BAZ1A: variants seen among roughly 807,000 people sequenced by gnomAD.
BAZ1A encodes the protein bromodomain adjacent to zinc finger domain protein 1A.
In BAZ1A, 50 loss-of-function variants were observed where a neutral mutation model predicts 185.2. The ratio of observed to expected loss-of-function variants is 0.27; its 90% CI spans 0.22 to 0.34. BAZ1A has a LOEUF of 0.34. Among genes scored for constraint, BAZ1A ranks in the 10% least tolerant of loss-of-function variants. BAZ1A has a pLI of 1.00. For missense variants in BAZ1A, 1,356 were observed against 1,839.9 expected, an observed-to-expected ratio of 0.74 and a Z score of 4.81; for synonymous variants, 571 against 615.6, an observed-to-expected ratio of 0.93 and a Z score of 1.07.
intron 4 of BAZ1A, among the ~76,000 whole-genome samples, chr14:34,814,802 T>A (rs1255936800): frequency 6.7e-6 from 1 of 148,300 alleles, no homozygotes; most frequent in Non-Finnish European, 1.5e-5. Context: ...TGAGACAGTT[T>A]TGCTCTTGTT....
In BAZ1A at chr14:34,762,200, T is replaced by G; in HGVS notation, c.3800A>C (p.Gln1267Pro). 6.2e-7 allele frequency: 1 copy of G among 1,614,122 alleles called. No individual in the cohort carries two copies. The highest frequency in any genetic ancestry group is 8.5e-7 in the Non-Finnish European group (1 of 1,179,990). The change falls in exon 24 of 27, where the codon CAA (glutamine) becomes CCA (proline). Residue 1267 changes from glutamine (Q) to proline (P), a missense_variant. Coordinates refer to ENST00000360310, the MANE Select transcript of BAZ1A (RefSeq NM_013448.3). ...TCTTGTTTTAACTGGCAATCTAACT[T>G]GTGGTCTTCCTCGTTTGGGTAGGCT... Reference protein sequence around the residue: ...EVSLPKRGRPQVRLPVKTRGK... With the variant: ...EVSLPKRGRPPVRLPVKTRGK...
intron 17 of BAZ1A, 147 bp downstream of exon 17, chr14:34,780,039 G>C: frequency 1.0e-6 from 1 of 982,524 alleles, no homozygotes; most frequent in Non-Finnish European, 1.5e-6. Flanking sequence ...ACTCATCACA[G>C]CTATGAGGTG....
intron 4 of BAZ1A, among the ~76,000 whole-genome samples, chr14:34,823,277 C>A (rs2042114264): frequency 6.6e-6 from 1 of 151,976 alleles, no homozygotes; most frequent in Admixed American, 6.6e-5. Context: ...TCACTTGAAT[C>A]CAGGAAGTAG....
At position 34,774,457 on chromosome 14, in the gene BAZ1A, C is replaced by T. The variant is rs1242287262; in HGVS notation, c.2867G>A (p.Ser956Asn). ...ATATGCATTGGAAGATCTTCCCCGACTATATGTTGGTTTGCTATCAGGCTG... is the reference window on the plus strand; with the variant it reads ...ATATGCATTGGAAGATCTTCCCCGATTATATGTTGGTTTGCTATCAGGCTG... ...KPQPDSKPTY[S>N]RGRSSNAYDP... Residue 956 changes from serine to asparagine, a missense_variant, in exon 19 of 27, where the codon AGT becomes AAT. By Grantham distance (46) the Ser-to-Asn change is conservative. Transcript: ENST00000360310. The T allele has an allele frequency of 6.2e-7, 1 of 1,608,474 alleles. No individual in the cohort carries two copies. The highest frequency in any genetic ancestry group is 8.5e-7 in the Non-Finnish European group (1 of 1,177,828).
chr14:34,773,851 G>A lies in BAZ1A; in HGVS notation c.2998-125C>T, dbSNP rs566799698. The A allele has an allele frequency of 8.6e-6, 9 of 1,051,508 alleles. No homozygotes were observed. In the East Asian group the frequency reaches 1.9e-4, roughly 22 times the overall value. 65.1% of individuals were successfully genotyped at this position (1,051,508 alleles called of 1,614,324 possible). A position where few individuals can be genotyped will look rare whatever the true frequency, so the allele number is the denominator to read the frequency against. ...TTAGAAATGATTATGAATCAAAAAG[G>A]TATCTAAAAATAAGGTTACTAAGTG... On this transcript the variant is annotated intron_variant, in intron 19 of 26. Coordinates refer to ENST00000360310, the MANE Select transcript of BAZ1A (RefSeq NM_013448.3).
chr14:34,855,779 G>A (rs1382138184), intron 3 of BAZ1A, among the ~76,000 whole-genome samples: 3 of 151,938 alleles, frequency 2.0e-5, no homozygotes, highest in Admixed American at 2.0e-4. Flanking sequence ...ACACATCTGT[G>A]GTCCCAGCTA....
chr14:34,782,991 A>C lies in BAZ1A; in HGVS notation c.2111+128T>G. On this transcript the variant is annotated intron_variant, in intron 16 of 26. Coordinates refer to ENST00000360310, the MANE Select transcript of BAZ1A (RefSeq NM_013448.3). Reference sequence around the variant, plus strand: ...TAGCCTATTGAGTGTTTTTCTGGGAAATTATCATGTACCTATAATAAAAAG... The same window carrying C: ...TAGCCTATTGAGTGTTTTTCTGGGACATTATCATGTACCTATAATAAAAAG... 30 of 723,064 alleles carry C rather than the reference A, an allele frequency of 4.1e-5. No individual in the cohort carries two copies. The South Asian group carries it at 4.8e-4, about 12-fold the overall frequency. 44.8% of individuals were successfully genotyped at this position (723,064 alleles called of 1,614,324 possible).
chr14:34,769,028 C>T (rs776738635), intron 21 of BAZ1A, among the ~76,000 whole-genome samples: 6 of 152,122 alleles, frequency 3.9e-5, no homozygotes, highest in Non-Finnish European at 8.8e-5. Flanking sequence ...TTATTTCGTA[C>T]ATGCTTCCTC....
At chr14:34,836,803 T>C (rs2042338199) in intron 3 of BAZ1A, among the ~76,000 whole-genome samples, 1 of 152,008 alleles carries the variant, frequency 6.6e-6, no homozygotes, top group South Asian at 2.1e-4. Flanking sequence ...TTTGAGCGAG[T>C]CAGCTATTCA....
chr14:34,797,344 G>A (rs1302551555), intron 9 of BAZ1A, among the ~76,000 whole-genome samples: 4 of 151,036 alleles, frequency 2.6e-5, no homozygotes, highest in African/African-American at 7.3e-5. Context: ...CAGATCACTT[G>A]AGGTCAGGAG....
rs764480230 is a variant in BAZ1A at position 34,761,914 on chromosome 14, T to C, written c.4086A>G (p.Lys1362=). The part of the protein sequence containing the change: ...LSPRRKRRGR[K]SANNTPENSP... ...TATTTTCTGGTGTATTATTAGCACTTTTCCTGCCTCTGCGTTTTCTACGAG... is the reference window on the plus strand; with the variant it reads ...TATTTTCTGGTGTATTATTAGCACTCTTCCTGCCTCTGCGTTTTCTACGAG... Residue 1362 remains lysine (K), a synonymous_variant, in exon 24 of 27, where the codon AAA becomes AAG. Coordinates refer to ENST00000360310, the MANE Select transcript of BAZ1A (RefSeq NM_013448.3). The C allele has an allele frequency of 1.9e-5, 31 of 1,614,084 alleles. No homozygotes were observed. The highest frequency in any genetic ancestry group is 2.5e-5 in the Non-Finnish European group (29 of 1,180,036).
intron 3 of BAZ1A, among the ~76,000 whole-genome samples, chr14:34,831,350 A>G (rs1052505720): frequency 3.3e-5 from 5 of 152,186 alleles, no homozygotes; most frequent in Non-Finnish European, 5.9e-5. Context: ...CTTGGAATCT[A>G]GAAGGTAAAA....
chr14:34,825,447 CAAAAA>C (rs35449855), intron 4 of BAZ1A, among the ~76,000 whole-genome samples: 390 of 55,306 alleles, frequency 7.1e-3, no homozygotes, highest in East Asian at 0.061. Context: ...AACTCTGTCT[CAAAAA>C]AAAAAAAAAA....
chr14:34,817,522 A>C (rs1434171782), intron 4 of BAZ1A, among the ~76,000 whole-genome samples: 1 of 151,698 alleles, frequency 6.6e-6, no homozygotes, highest in Non-Finnish European at 1.5e-5. Flanking sequence ...TGGGAGGCGG[A>C]GGTTGCAGTG....
At position 34,771,790 on chromosome 14, in the gene BAZ1A, G is replaced by C. The variant is rs944328086; in HGVS notation, c.3153-131C>G. On this transcript the variant is annotated intron_variant, in intron 20 of 26. Coordinates refer to ENST00000360310, the MANE Select transcript of BAZ1A (RefSeq NM_013448.3). Reference sequence around the variant, plus strand: ...ATTTCCTCAATCTCAAGGAGTTGCAGTAAACTAGTAGGGAAGGGAGATTCA... The same window carrying C: ...ATTTCCTCAATCTCAAGGAGTTGCACTAAACTAGTAGGGAAGGGAGATTCA... 4.0e-6 allele frequency: 3 copies of C among 743,566 alleles called. No individual in the cohort carries two copies. In the African/African-American group the frequency reaches 5.4e-5, roughly 13 times the overall value. The allele number at this position is 743,566 out of a possible 1,614,324, so 46.1% of individuals were successfully genotyped here. A position where few individuals can be genotyped will look rare whatever the true frequency, so the allele number is the denominator to read the frequency against.
intron 3 of BAZ1A, among the ~76,000 whole-genome samples, chr14:34,842,872 T>C (rs1381796218): frequency 6.6e-6 from 1 of 151,982 alleles, no homozygotes; most frequent in African/African-American, 2.4e-5. Context: ...AACTATCACA[T>C]GGCTATCCTG....
At chr14:34,837,550 TAG>T (rs2042349444) in intron 3 of BAZ1A, among the ~76,000 whole-genome samples, 1 of 152,154 alleles carries the variant, frequency 6.6e-6, no homozygotes, top group Non-Finnish European at 1.5e-5. Flanking sequence ...CAAAAATCTT[TAG>T]AAAGAAAATT....
chr14:34,820,305 G>GT (rs1158162707), intron 4 of BAZ1A, among the ~76,000 whole-genome samples: 2 of 151,702 alleles, frequency 1.3e-5, no homozygotes, highest in East Asian at 3.9e-4. Context: ...TTTTTGTGTG[G>GT]TTTTTTGTAG....
At chr14:34,757,531 G>A (rs1262524235) in intron 25 of BAZ1A, among the ~76,000 whole-genome samples, 1 of 151,528 alleles carries the variant, frequency 6.6e-6, no homozygotes, top group East Asian at 2.0e-4. Context: ...CAGGTGTGGT[G>A]GCAGGCCCCT....
Sources: gnomAD v4.1 joint callset for allele counts (sites outside exome capture counted in the v4.1 genomes callset) on GRCh38, gnomAD v4.1.1 for gene constraint, MANE v1.5 for transcripts, NCBI Gene and HGNC (gene_info 2026-07-23, HGNC 2026-07-21) for gene names.